The following RGS20 variants were observed in gnomAD, a reference collection of about 807,000 sequenced individuals.
The protein encoded by RGS20 is gz-selective GTPase-activating protein.
In RGS20, 30 loss-of-function variants were observed where a neutral mutation model predicts 33.6. The ratio of observed to expected loss-of-function variants is 0.89; its 90% CI spans 0.67 to 1.21. RGS20 has a LOEUF of 1.21. Among genes scored for constraint, RGS20 ranks in the 50% most tolerant of loss-of-function variants. RGS20 has a pLI of 0.00. For missense variants in RGS20, 472 were observed against 502.4 expected (o/e 0.94, Z 0.58); for synonymous variants, 208 against 197.9 (o/e 1.05, Z -0.43).
intron 4 of RGS20, among the ~76,000 whole-genome samples, chr8:53,947,206 G>C (rs1005326814): frequency 7.0e-6 from 1 of 142,402 alleles, no homozygotes; most frequent in Non-Finnish European, 1.5e-5. Flanking sequence ...CGCTATATAA[G>C]ATATAGCATA....
chr8:53,876,843 C>T (rs563679663), intron 1 of RGS20, among the ~76,000 whole-genome samples: 145 of 152,302 alleles, frequency 9.5e-4, no homozygotes, highest in African/African-American at 3.4e-3. Context: ...TCTTGTTTTT[C>T]TTGGATCAGG....
intron 1 of RGS20, among the ~76,000 whole-genome samples, chr8:53,863,821 G>T (rs1038055836): frequency 6.8e-6 from 1 of 146,854 alleles, no homozygotes; most frequent in Non-Finnish European, 1.5e-5. Context: ...CTGCTTCCCC[G>T]GTTCAAGCAA....
chr8:53,894,067 G>T (rs998128955), intron 2 of RGS20, among the ~76,000 whole-genome samples: 7 of 152,040 alleles, frequency 4.6e-5, no homozygotes, highest in African/African-American at 1.7e-4. Context: ...TAATTAGGAG[G>T]CTACATATAG....
Position 53,905,745 on chromosome 8 carries a change from A to C in RGS20, c.510+26143A>C, listed in dbSNP as rs527573417. Among the ~76,000 whole-genome samples the C allele has an allele frequency of 1.1e-4, 16 of 152,328 alleles. No individual in the cohort carries two copies. In the South Asian group the frequency reaches 3.3e-3, roughly 32 times the overall value. On this transcript the variant is annotated intron_variant, in intron 2 of 5. Transcript: ENST00000297313. ...TAAACCCAGGGAGAGTTTAGCATGG[A>C]TTCAGCAGGTCTGTTTTTCTAACTT...
chr8:53,888,647 A>G (rs1812615038), intron 2 of RGS20, among the ~76,000 whole-genome samples: 2 of 151,706 alleles, frequency 1.3e-5, no homozygotes, highest in African/African-American at 2.4e-5. Flanking sequence ...GGCCAAAATC[A>G]CTCACCACGG....
chr8:53,891,943 G>A (rs1812721230), intron 2 of RGS20, among the ~76,000 whole-genome samples: 1 of 151,780 alleles, frequency 6.6e-6, no homozygotes, highest in South Asian at 2.1e-4. Context: ...ACAATGTGCA[G>A]GTTAGTTACA....
intron 2 of RGS20, among the ~76,000 whole-genome samples, chr8:53,885,280 G>C (rs962478148): frequency 6.6e-6 from 1 of 152,154 alleles, no homozygotes; most frequent in Non-Finnish European, 1.5e-5. Flanking sequence ...GATGCAGATA[G>C]TGGCTTAAAG....
intron 4 of RGS20, among the ~76,000 whole-genome samples, chr8:53,952,202 C>T (rs1419271107): frequency 1.4e-5 from 2 of 139,682 alleles, no homozygotes; most frequent in African/African-American, 5.3e-5. Flanking sequence ...CTCAGCCTCC[C>T]GAGTAGCTGG....
intron 2 of RGS20, among the ~76,000 whole-genome samples, chr8:53,938,781 T>A (rs1814205926): frequency 6.6e-6 from 1 of 152,174 alleles, no homozygotes; most frequent in African/African-American, 2.4e-5. Context: ...CATGCTGCTT[T>A]TATATCTCTC....
intron 1 of RGS20, among the ~76,000 whole-genome samples, chr8:53,870,513 G>C (rs1386414831): frequency 6.6e-6 from 1 of 152,134 alleles, no homozygotes; most frequent in Non-Finnish European, 1.5e-5. Context: ...ACAGTATTAG[G>C]AACATTATAG....
intron 5 of RGS20, among the ~76,000 whole-genome samples, chr8:53,954,689 CTTTTTT>C (rs139245547): frequency 7.6e-6 from 1 of 131,178 alleles, no homozygotes; most frequent in Non-Finnish European, 1.6e-5. Context: ...AAGTAATTGC[CTTTTTT>C]TTTTTTTTTT....
intron 2 of RGS20, chr8:53,881,015 C>A (rs993406605): frequency 2.5e-6 from 4 of 1,595,242 alleles, no homozygotes; most frequent in Non-Finnish European, 3.4e-6. Context: ...CCGCGGGACG[C>A]ATGCGCACGG....
intron 2 of RGS20, among the ~76,000 whole-genome samples, chr8:53,928,281 A>T (rs747779477): frequency 6.6e-6 from 1 of 152,142 alleles, no homozygotes; most frequent in Non-Finnish European, 1.5e-5. Context: ...ACAGACATTT[A>T]TGGTATAAAT....
chr8:53,947,083 T>C (rs1042057634), intron 4 of RGS20, among the ~76,000 whole-genome samples: 12 of 147,168 alleles, frequency 8.2e-5, no homozygotes, highest in Admixed American at 7.6e-4. Flanking sequence ...AGATATAGCA[T>C]ATATATTTAT....
intron 1 of RGS20, among the ~76,000 whole-genome samples, chr8:53,871,312 A>T (rs1180914295): frequency 6.6e-6 from 1 of 152,060 alleles, no homozygotes; most frequent in African/African-American, 2.4e-5. Context: ...ACTCAGAATT[A>T]TCCCTTGATC....
intron 1 of RGS20, among the ~76,000 whole-genome samples, chr8:53,854,477 T>A (rs1025027174): frequency 1.3e-5 from 2 of 151,788 alleles, no homozygotes; most frequent in African/African-American, 4.8e-5. Context: ...GAAAAGATAG[T>A]CAACATTGTT....
At position 53,931,746 on chromosome 8, in the gene RGS20, G is replaced by A. The variant is rs532499496; in HGVS notation, c.511-7830G>A. On this transcript the variant is annotated intron_variant, in intron 2 of 5. Coordinates refer to ENST00000297313, the MANE Select transcript of RGS20 (RefSeq NM_170587.4). ...GGTTAGACAGTTGGGTGCAGCCCAC[G>A]GAGGGTGAGCAGAAGCAGTGTGGGG... Among the ~76,000 whole-genome samples, 78 of 152,294 alleles carry A rather than the reference G, an allele frequency of 5.1e-4. 1 individual carries two copies. The highest frequency in any genetic ancestry group is 3.7e-3 in the South Asian group (18 of 4,826).
At chr8:53,926,173 G>A (rs1585928122) in intron 2 of RGS20, among the ~76,000 whole-genome samples, 4 of 152,306 alleles carry the variant, frequency 2.6e-5, no homozygotes, top group African/African-American at 2.4e-5. Context: ...TCACACCACT[G>A]TACTGCAGCC....
At chr8:53,942,726 T>C (rs985413436) in intron 3 of RGS20, among the ~76,000 whole-genome samples, 6 of 151,768 alleles carry the variant, frequency 4.0e-5, no homozygotes, top group African/African-American at 1.5e-4. Flanking sequence ...TGGTGGCTTA[T>C]GCCTGTAATC....
Sources: gnomAD v4.1 joint callset for allele counts (sites outside exome capture counted in the v4.1 genomes callset) on GRCh38, gnomAD v4.1.1 for gene constraint, MANE v1.5 for transcripts, NCBI Gene and HGNC (gene_info 2026-07-23, HGNC 2026-07-21) for gene names.